The following YEATS2 variants were observed in gnomAD, a reference collection of about 807,000 sequenced individuals.
The protein encoded by YEATS2 is YEATS domain containing 2.
In YEATS2, 77 loss-of-function variants were observed where a neutral mutation model predicts 163.2. The observed-to-expected ratio is 0.47, with a 90% confidence interval of 0.39 to 0.57. The LOEUF (loss-of-function observed/expected upper bound fraction) is 0.57. Ranked by LOEUF, YEATS2 falls within the 20% of genes least tolerant of loss-of-function variation. The pLI, the probability that YEATS2 is intolerant of heterozygous loss-of-function variation, is 0.00. For missense variants in YEATS2, 1,549 were observed against 1,729.8 expected (o/e 0.90, Z 1.85); for synonymous variants, 631 against 645.1 (o/e 0.98, Z 0.33).
chr3:183,747,771 TC>T, intron 9 of YEATS2, 55 bp downstream of exon 9: 1 of 1,550,718 alleles, frequency 6.4e-7, no homozygotes, highest in Non-Finnish European at 8.9e-7. Context: ...AAATTGATCT[TC>T]ATTTTTTGTT....
In YEATS2 at chr3:183,786,161, T is replaced by C. The variant is rs763790032; in HGVS notation, c.2773T>C (p.Ser925Pro). ...HGGQASLMKI[S>P]DSTLKTVPAT... ...AGGACAGGCATCTCTAATGAAAATA[T>C]CCGATAGCACCTTGAAGACTGTGCC... Residue 925 changes from serine to proline, a missense_variant, in exon 20 of 31, where the codon TCC (serine) becomes CCC (proline). Coordinates refer to ENST00000305135, the MANE Select transcript of YEATS2 (RefSeq NM_018023.5). The C allele has an allele frequency of 4.3e-6, 7 of 1,614,026 alleles. No homozygotes were observed.
In YEATS2 at chr3:183,728,697, C is replaced by T. The variant is rs750347001; in HGVS notation, c.658C>T (p.Pro220Ser). ...TTTTTTCTTCTTCTCTAGGTATATA[C>T]CTCCGGATAAGAGGGAAGAAAATGA... ...IVVGNVSKYI[P>S]PDKREENDQS... Residue 220 changes from proline to serine, a missense_variant, in exon 7 of 31, where the codon CCT becomes TCT. Transcript: ENST00000305135. 6 of 1,606,056 alleles carry T rather than the reference C, an allele frequency of 3.7e-6. No homozygotes were observed. The East Asian group carries it at 8.9e-5, about 24-fold the overall frequency.
intron 7 of YEATS2, among the ~76,000 whole-genome samples, chr3:183,730,221 T>C (rs1717633302): frequency 6.6e-6 from 1 of 150,622 alleles, no homozygotes; most frequent in African/African-American, 2.4e-5. Context: ...CACGCCACCA[T>C]GCCCAGCTAA....
At chr3:183,727,604 A>C (rs1234442405) in intron 6 of YEATS2, among the ~76,000 whole-genome samples, 2 of 152,208 alleles carry the variant, frequency 1.3e-5, no homozygotes, top group Non-Finnish European at 2.9e-5. Flanking sequence ...AAGGATTAGC[A>C]CTAGGCATAG....
At chr3:183,784,942 G>A (rs2606232) in intron 19 of YEATS2, among the ~76,000 whole-genome samples, 5 of 151,822 alleles carry the variant, frequency 3.3e-5, no homozygotes, top group South Asian at 4.2e-4. Context: ...GCATGGTGGC[G>A]CATACCTGTA....
intron 21 of YEATS2, chr3:183,793,096 A>C: frequency 8.0e-7 from 1 of 1,251,870 alleles, no homozygotes; most frequent in Non-Finnish European, 1.0e-6. Flanking sequence ...GTTTCTAAAT[A>C]CTGTATTATC....
At chr3:183,732,197 TCCCAGCACTTTGG>T (rs1199776179) in intron 7 of YEATS2, among the ~76,000 whole-genome samples, 51 of 151,388 alleles carry the variant, frequency 3.4e-4, no homozygotes, top group African/African-American at 1.2e-3. Flanking sequence ...AAGCCTGTAA[TCCCAGCACTTTGG>T]GAGACTGAGG....
chr3:183,754,529 G>A (rs1198972105), intron 11 of YEATS2, among the ~76,000 whole-genome samples, 164 bp downstream of exon 11: 4 of 152,160 alleles, frequency 2.6e-5, no homozygotes, highest in African/African-American at 9.7e-5. Flanking sequence ...GCTGTCACAA[G>A]GCAAAAACAA....
intron 1 of YEATS2, among the ~76,000 whole-genome samples, chr3:183,710,346 A>T (rs189936217): frequency 4.0e-4 from 61 of 152,330 alleles, no homozygotes; most frequent in African/African-American, 1.4e-3. Flanking sequence ...TTATTATATC[A>T]TCATGAGAGC....
intron 21 of YEATS2, chr3:183,793,239 A>G: frequency 8.2e-7 from 1 of 1,219,016 alleles, no homozygotes; most frequent in Non-Finnish European, 1.1e-6. Flanking sequence ...GAGGCTGTGG[A>G]TGTTGTTGTT....
At chr3:183,708,000 G>C (rs1382492601) in intron 1 of YEATS2, among the ~76,000 whole-genome samples, 1 of 151,928 alleles carries the variant, frequency 6.6e-6, no homozygotes, top group African/African-American at 2.4e-5. Flanking sequence ...CTTTAAACCA[G>C]ATGGGAAGTC....
At chr3:183,726,034 C>T (rs78245896) in intron 6 of YEATS2, among the ~76,000 whole-genome samples, 2,421 of 151,698 alleles carry the variant, frequency 0.016, 85 homozygotes, top group East Asian at 0.14. Flanking sequence ...AATACTTGGG[C>T]GTAATACTCT....
At chr3:183,772,166 C>A in intron 15 of YEATS2, 139 bp from the exon 16 acceptor site, 1 of 1,126,766 alleles carries the variant, frequency 8.9e-7, no homozygotes, top group Non-Finnish European at 1.3e-6. Context: ...CCGTTCACAC[C>A]TGTGTAGGTA....
intron 7 of YEATS2, among the ~76,000 whole-genome samples, chr3:183,731,983 G>A (rs773829706): frequency 6.6e-6 from 1 of 151,872 alleles, no homozygotes; most frequent in Non-Finnish European, 1.5e-5. Context: ...TATTGGTTAC[G>A]TGCTTCTGGT....
At chr3:183,708,928 G>A (rs956061224) in intron 1 of YEATS2, among the ~76,000 whole-genome samples, 1 of 151,984 alleles carries the variant, frequency 6.6e-6, no homozygotes, top group African/African-American at 2.4e-5. Context: ...TTGGGAGGCC[G>A]AGGTGGGCGG....
At chr3:183,789,271 C>G (rs1724357089) in intron 20 of YEATS2, among the ~76,000 whole-genome samples, 2 of 152,128 alleles carry the variant, frequency 1.3e-5, no homozygotes, top group South Asian at 4.1e-4. Flanking sequence ...TTAGATTTAA[C>G]TCTTTAATCC....
At chr3:183,722,767 C>G (rs544812056) in intron 5 of YEATS2, among the ~76,000 whole-genome samples, 41 of 152,316 alleles carry the variant, frequency 2.7e-4, no homozygotes, top group African/African-American at 9.1e-4. Context: ...ATTTTCCTGT[C>G]TCAGCCTCCC....
chr3:183,759,243 T>TAAGTATCTAGACTTTACTACCC (rs1190235282), intron 13 of YEATS2, among the ~76,000 whole-genome samples: 1 of 152,220 alleles, frequency 6.6e-6, no homozygotes, highest in African/African-American at 2.4e-5. Flanking sequence ...TTCAAGCTGT[T>TAAGTATCTAGACTTTACTACCC]AAGTATCTAG....
intron 4 of YEATS2, among the ~76,000 whole-genome samples, chr3:183,719,707 C>T (rs1254571700): frequency 2.0e-5 from 3 of 151,822 alleles, no homozygotes; most frequent in African/African-American, 7.3e-5. Flanking sequence ...GGTATGTGGC[C>T]AGGCTGGAAT....
Sources: allele counts gnomAD v4.1 joint callset (sites outside exome capture counted in the v4.1 genomes callset), GRCh38; gene constraint gnomAD v4.1.1; transcripts MANE v1.5; gene names NCBI Gene and HGNC (gene_info 2026-07-23, HGNC 2026-07-21).